The following CAB39L variants were observed in gnomAD, a reference collection of about 807,000 sequenced individuals.
CAB39L encodes the protein calcium binding protein 39 like, also known as calcium-binding protein 39-like.
Under a neutral mutation model 39.1 loss-of-function variants are expected in CAB39L, and 23 were observed. The ratio of observed to expected loss-of-function variants is 0.59; its 90% confidence interval spans 0.42 to 0.83. The LOEUF is 0.83. Ranked by LOEUF, CAB39L falls within the 40% of genes least tolerant of loss-of-function variation. The pLI is 0.00. For missense variants in CAB39L, 366 were observed against 391.9 expected, an observed-to-expected ratio of 0.93 and a Z score of 0.56; for synonymous variants, 126 against 137.2, an observed-to-expected ratio of 0.92 and a Z score of 0.57.
intron 3 of CAB39L, among the ~76,000 whole-genome samples, chr13:49,398,995 C>T (rs1956704605): frequency 6.6e-6 from 1 of 152,068 alleles, no homozygotes; most frequent in South Asian, 2.1e-4. Flanking sequence ...TAGACCTATT[C>T]TATCTTACTT....
intron 5 of CAB39L, among the ~76,000 whole-genome samples, chr13:49,364,256 C>T (rs2138518146): frequency 6.6e-6 from 1 of 152,290 alleles, no homozygotes; most frequent in Non-Finnish European, 1.5e-5. Context: ...TAACTTTTAC[C>T]ACTGTTACTC....
intron 1 of CAB39L, among the ~76,000 whole-genome samples, chr13:49,435,501 G>C (rs1487107389): frequency 2.6e-5 from 4 of 152,116 alleles, no homozygotes; most frequent in Non-Finnish European, 4.4e-5. Flanking sequence ...GACTGAAGGT[G>C]GAACATCTTT....
At chr13:49,408,493 G>T (rs1309014766) in intron 3 of CAB39L, among the ~76,000 whole-genome samples, 3 of 152,150 alleles carry the variant, frequency 2.0e-5, no homozygotes, top group African/African-American at 7.2e-5. Context: ...AGACCAAAAA[G>T]AGAGCCAAGG....
At chr13:49,341,315 G>A (rs963514456) in intron 8 of CAB39L, among the ~76,000 whole-genome samples, 3 of 151,184 alleles carry the variant, frequency 2.0e-5, no homozygotes, top group Non-Finnish European at 4.4e-5. Context: ...GTGCTGTGAT[G>A]TGATCTCAGC....
At chr13:49,339,158 T>C (rs1352874053) in intron 9 of CAB39L, among the ~76,000 whole-genome samples, 2 of 145,596 alleles carry the variant, frequency 1.4e-5, no homozygotes, top group African/African-American at 5.2e-5. Context: ...GAGATGGAGT[T>C]CCGCTCTTGT....
Position 49,339,424 on chromosome 13 carries a change from C to G in CAB39L, c.690+253G>C, listed in dbSNP as rs189375840. Among the ~76,000 whole-genome samples the G allele has an allele frequency of 1.3e-4, 20 of 152,276 alleles. No individual in the cohort carries two copies. In the East Asian group the frequency reaches 3.9e-3, roughly 29 times the overall value. ...GGGATTACAGGCGTAAGCCAAGATG[C>G]CTGGCCTCAGCAGAAATATTCTAAA... On this transcript the variant is annotated intron_variant, in intron 9 of 10. Coordinates refer to ENST00000409308, the MANE Select transcript of CAB39L (RefSeq NM_001079670.3).
chr13:49,324,954 A>G (rs1954454938), intron 10 of CAB39L, among the ~76,000 whole-genome samples: 2 of 152,218 alleles, frequency 1.3e-5, no homozygotes, highest in Admixed American at 6.5e-5. Flanking sequence ...CATTAAGTAT[A>G]GGCTGCATTT....
chr13:49,403,171 C>T (rs543690970), intron 3 of CAB39L, among the ~76,000 whole-genome samples: 1 of 152,046 alleles, frequency 6.6e-6, no homozygotes, highest in South Asian at 2.1e-4. Context: ...CTATTAAATA[C>T]CATTCCATTT....
At chr13:49,314,044 C>T (rs1280756826) in intron 10 of CAB39L, among the ~76,000 whole-genome samples, 3 of 152,042 alleles carry the variant, frequency 2.0e-5, no homozygotes, top group African/African-American at 4.8e-5. Flanking sequence ...ATGGTGTGGG[C>T]GGCATGAGAG....
intron 3 of CAB39L, among the ~76,000 whole-genome samples, chr13:49,386,812 C>G (rs538906923): frequency 8.6e-5 from 13 of 151,846 alleles, no homozygotes; most frequent in Non-Finnish European, 1.6e-4. Context: ...ACACCTCCCC[C>G]ACTCCCAGAC....
Position 49,382,921 on chromosome 13 carries a change from C to G in CAB39L, c.-11G>C, listed in dbSNP as rs1385589271. The stretch of plus-strand genomic sequence containing the variant: ...AGGCATTTTTTTCATGTGTAGAAAT[C>G]TCTTCTTCCAATATGGAATGCTAAA... On this transcript the variant is annotated 5_prime_UTR_variant, in exon 4 of 11. Transcript: ENST00000409308. 6.7e-7 allele frequency: 1 copy of G among 1,492,718 alleles called. No homozygotes were observed. The highest frequency in any genetic ancestry group is 1.2e-5 in the South Asian group (1 of 85,994). The allele number at this position is 1,492,718 out of a possible 1,614,324, so 92.5% of individuals were successfully genotyped here. A position where few individuals can be genotyped will look rare whatever the true frequency, so the allele number is the denominator to read the frequency against.
intron 5 of CAB39L, among the ~76,000 whole-genome samples, chr13:49,365,542 A>AG (rs573002099): frequency 1.6e-4 from 25 of 152,222 alleles, no homozygotes; most frequent in Non-Finnish European, 2.5e-4. Context: ...TTCTATGAAA[A>AG]GGTGCTCAAC....
chr13:49,373,578 T>C (rs1270977847), intron 5 of CAB39L, among the ~76,000 whole-genome samples: 1 of 152,238 alleles, frequency 6.6e-6, no homozygotes, highest in Non-Finnish European at 1.5e-5. Flanking sequence ...GTTTGAATTA[T>C]CTTCTAAACA....
At chr13:49,394,156 G>C (rs1374242470) in intron 3 of CAB39L, among the ~76,000 whole-genome samples, 1 of 151,890 alleles carries the variant, frequency 6.6e-6, no homozygotes, top group Non-Finnish European at 1.5e-5. Flanking sequence ...AGAATTCTGT[G>C]ATATGAATCT....
chr13:49,330,239 T>C (rs867732443), intron 10 of CAB39L, among the ~76,000 whole-genome samples: 1 of 152,230 alleles, frequency 6.6e-6, no homozygotes, highest in Non-Finnish European at 1.5e-5. Context: ...TTCAAAGTAG[T>C]TGCGTTGGAT....
At chr13:49,369,085 C>T (rs764074524) in intron 5 of CAB39L, among the ~76,000 whole-genome samples, 3 of 152,140 alleles carry the variant, frequency 2.0e-5, no homozygotes, top group Non-Finnish European at 2.9e-5. Flanking sequence ...AGATGCTCAA[C>T]ATCATTAGTC....
chr13:49,383,416 A>G (rs915091473), intron 3 of CAB39L, among the ~76,000 whole-genome samples: 19 of 152,212 alleles, frequency 1.2e-4, no homozygotes, highest in African/African-American at 4.3e-4. Flanking sequence ...AATGTCCTAG[A>G]CATTTCTGGC....
intron 10 of CAB39L, among the ~76,000 whole-genome samples, chr13:49,315,587 A>C (rs550307774): frequency 5.9e-5 from 9 of 152,320 alleles, no homozygotes; most frequent in African/African-American, 2.2e-4. Flanking sequence ...AAATGCCTAC[A>C]TTAAAAAAGA....
chr13:49,319,106 T>C (rs1954275191), intron 10 of CAB39L, among the ~76,000 whole-genome samples: 1 of 151,998 alleles, frequency 6.6e-6, no homozygotes, highest in Non-Finnish European at 1.5e-5. Context: ...TGGCTGGGTG[T>C]GGTGGCAGAT....
Sources: allele counts gnomAD v4.1 joint callset (sites outside exome capture counted in the v4.1 genomes callset), GRCh38; gene constraint gnomAD v4.1.1; transcripts MANE v1.5; gene names NCBI Gene and HGNC (gene_info 2026-07-23, HGNC 2026-07-21).